Variants in NCKAP5 observed in about 807,000 individuals in gnomAD.
The protein encoded by NCKAP5 is nck-associated protein 5.
NCKAP5 carries 92 observed loss-of-function variants against 167.0 expected under a neutral mutation model. That is an observed-to-expected ratio of 0.55 (90% CI 0.47 to 0.66). The LOEUF is 0.66. Ranked by LOEUF, NCKAP5 falls within the 30% of genes least tolerant of loss-of-function variation. The pLI is 0.00. For missense variants in NCKAP5, 2,378 were observed against 2,315.0 expected, an observed-to-expected ratio of 1.03 and a Z score of -0.56; for synonymous variants, 891 against 877.4, an observed-to-expected ratio of 1.02 and a Z score of -0.27.
intron 11 of NCKAP5, among the ~76,000 whole-genome samples, chr2:132,837,720 G>A (rs1687995007): frequency 6.6e-6 from 1 of 152,148 alleles, no homozygotes. Context: ...CATTAACACA[G>A]GAGAATGCAT....
chr2:132,811,825 G>A (rs940115475), intron 11 of NCKAP5, among the ~76,000 whole-genome samples: 11 of 152,160 alleles, frequency 7.2e-5, no homozygotes, highest in African/African-American at 1.2e-4. Flanking sequence ...AAAGTTCAGC[G>A]GGAGATTTCC....
intron 3 of NCKAP5, among the ~76,000 whole-genome samples, chr2:133,496,674 TGG>T (rs1681977515): frequency 3.9e-5 from 6 of 152,188 alleles, no homozygotes; most frequent in Non-Finnish European, 7.3e-5. Flanking sequence ...TCAGAAACTC[TGG>T]GGTTAGAGCC....
intron 8 of NCKAP5, among the ~76,000 whole-genome samples, chr2:132,923,856 A>T (rs74985993): frequency 0.027 from 4,112 of 152,312 alleles, 161 homozygotes; most frequent in African/African-American, 0.092. Flanking sequence ...GGAGATTTCC[A>T]ATGTTGAAAA....
intron 6 of NCKAP5, among the ~76,000 whole-genome samples, chr2:133,043,218 T>A (rs918159515): frequency 1.3e-5 from 2 of 152,192 alleles, no homozygotes; most frequent in African/African-American, 2.4e-5. Context: ...AATATAGATT[T>A]AGAAGAGTTT....
At chr2:132,859,803 G>T (rs577860760) in intron 11 of NCKAP5, among the ~76,000 whole-genome samples, 2 of 152,114 alleles carry the variant, frequency 1.3e-5, no homozygotes, top group Non-Finnish European at 2.9e-5. Context: ...CACAAAGATC[G>T]GAAACAGCAA....
At chr2:132,795,832 A>C (rs1273197590) in intron 12 of NCKAP5, among the ~76,000 whole-genome samples, 53 of 149,840 alleles carry the variant, frequency 3.5e-4, no homozygotes, top group Non-Finnish European at 7.1e-4. Flanking sequence ...AAAAAAAAAA[A>C]AAAAAACAAA....
intron 8 of NCKAP5, among the ~76,000 whole-genome samples, chr2:132,946,764 G>A (rs1480782806): frequency 6.6e-6 from 1 of 152,140 alleles, no homozygotes; most frequent in Non-Finnish European, 1.5e-5. Context: ...TAGGTGTGGT[G>A]GCTTGTGCCT....
In NCKAP5 at chr2:133,036,156, A is replaced by T. The variant is rs1215701793; in HGVS notation, c.342-41917T>A. 2.5e-3 allele frequency among the ~76,000 whole-genome samples: 378 copies of T among 152,094 alleles called. 2 individuals carry two copies. The highest frequency in any genetic ancestry group is 8.1e-3 in the African/African-American group (336 of 41,560). On this transcript the variant is annotated intron_variant, in intron 6 of 19. Transcript: ENST00000409261. ...CCGAAACCTGAACAGACCAATAACA[A>T]ATAACAAGATCGATGCCACAATAAA...
At chr2:132,681,946 T>C (rs998741074) in intron 19 of NCKAP5, among the ~76,000 whole-genome samples, 2 of 152,172 alleles carry the variant, frequency 1.3e-5, no homozygotes, top group African/African-American at 4.8e-5. Context: ...TATTGGAGGG[T>C]GCAAGAATGT....
At chr2:132,881,554 C>CTTTTTTTTTTTTTTTTCTTTT (rs1691753562) in intron 8 of NCKAP5, among the ~76,000 whole-genome samples, 1 of 126,388 alleles carries the variant, frequency 7.9e-6, no homozygotes, top group Non-Finnish European at 1.6e-5. Context: ...CCTTACCTTT[C>CTTTTTTTTTTTTTTTTCTTTT]TTTTTTTTTT....
intron 11 of NCKAP5, among the ~76,000 whole-genome samples, chr2:132,803,326 T>C (rs1465341599): frequency 6.6e-6 from 1 of 152,246 alleles, no homozygotes; most frequent in Non-Finnish European, 1.5e-5. Flanking sequence ...ACTTTTAGAC[T>C]TGCCTTGCAC....
At chr2:132,809,611 G>A (rs2105256039) in intron 11 of NCKAP5, among the ~76,000 whole-genome samples, 1 of 152,196 alleles carries the variant, frequency 6.6e-6, no homozygotes, top group East Asian at 1.9e-4. Flanking sequence ...GTGTCCATTT[G>A]TACGAAATGC....
At chr2:132,954,748 C>T (rs1233193277) in intron 8 of NCKAP5, 1 of 447,316 alleles carries the variant, frequency 2.2e-6, no homozygotes, top group Non-Finnish European at 4.5e-6. Context: ...ATGCCAATTC[C>T]AGCCATTTCT....
At chr2:133,261,477 T>G (rs1466540459) in intron 4 of NCKAP5, among the ~76,000 whole-genome samples, 1 of 152,222 alleles carries the variant, frequency 6.6e-6, no homozygotes, top group African/African-American at 2.4e-5. Flanking sequence ...ATAGTATGTT[T>G]CTGACACAGA....
At chr2:132,730,658 A>C (rs1311339839) in intron 17 of NCKAP5, among the ~76,000 whole-genome samples, 1 of 152,228 alleles carries the variant, frequency 6.6e-6, no homozygotes, top group Non-Finnish European at 1.5e-5. Context: ...CGGAGTCTAC[A>C]GCAGCCGCCG....
At chr2:133,156,691 G>A (rs1359303970) in intron 5 of NCKAP5, among the ~76,000 whole-genome samples, 3 of 152,160 alleles carry the variant, frequency 2.0e-5, no homozygotes, top group Admixed American at 6.5e-5. Context: ...ATTTGTGACC[G>A]GGATAATTGG....
intron 5 of NCKAP5, among the ~76,000 whole-genome samples, chr2:133,132,655 A>G (rs1294557121): frequency 1.3e-5 from 2 of 151,188 alleles, no homozygotes; most frequent in African/African-American, 2.4e-5. Context: ...CCTACTAAAT[A>G]TGAAAAATAT....
chr2:133,150,289 C>G (rs1237869376), intron 5 of NCKAP5, among the ~76,000 whole-genome samples: 1 of 152,134 alleles, frequency 6.6e-6, no homozygotes, highest in Admixed American at 6.5e-5. Context: ...ATAGCGGATA[C>G]CTGCCTGTCA....
At chr2:132,840,883 A>C (rs1368672209) in intron 11 of NCKAP5, among the ~76,000 whole-genome samples, 1 of 152,080 alleles carries the variant, frequency 6.6e-6, no homozygotes, top group Non-Finnish European at 1.5e-5. Context: ...ATCTCCAAAA[A>C]ATTTCACTGT....
Sources: gnomAD v4.1 joint callset for allele counts (sites outside exome capture counted in the v4.1 genomes callset) on GRCh38, gnomAD v4.1.1 for gene constraint, MANE v1.5 for transcripts, NCBI Gene and HGNC (gene_info 2026-07-23, HGNC 2026-07-21) for gene names.